TBC1D5: variants seen among roughly 807,000 people sequenced by gnomAD.
TBC1D5 encodes TBC1 domain family, member 5.
In TBC1D5, 75 loss-of-function variants were observed where a neutral mutation model predicts 100.3. The ratio of observed to expected loss-of-function variants is 0.75; its 90% CI spans 0.62 to 0.91. The LOEUF is 0.91. Ranked by LOEUF, TBC1D5 falls within the 40% of genes least tolerant of loss-of-function variation. The pLI is 0.00. For synonymous variants in TBC1D5, 323 were observed against 325.6 expected, an observed-to-expected ratio of 0.99 and a Z score of 0.09; for missense variants, 910 against 942.4, an observed-to-expected ratio of 0.97 and a Z score of 0.45.
intron 1 of TBC1D5, among the ~76,000 whole-genome samples, chr3:17,669,898 T>C (rs2153779263): frequency 6.6e-6 from 1 of 152,358 alleles, no homozygotes; most frequent in South Asian, 2.1e-4. Context: ...TTTGTTTGTT[T>C]GTTTGAGATG....
At chr3:17,185,252 CAAAT>C (rs777842638) in intron 18 of TBC1D5, 44 bp from the exon 20 acceptor site, 2 of 1,530,924 alleles carry the variant, frequency 1.3e-6, no homozygotes, top group Admixed American at 1.7e-5. Context: ...TAGAGATTGT[CAAAT>C]AAAATCTCCA....
At chr3:17,386,884 T>C (rs1476140294) in intron 8 of TBC1D5, among the ~76,000 whole-genome samples, 1 of 152,138 alleles carries the variant, frequency 6.6e-6, no homozygotes, top group Admixed American at 6.6e-5. Context: ...ACTTTCAAGA[T>C]TAAAAACTAC....
At position 17,596,385 on chromosome 3, in the gene TBC1D5, T is replaced by C. The variant is rs534759274; in HGVS notation, c.-36+27464A>G. ...CCAGGCTGGAGTGCAGTCGCGCAAT[T>C]TGGGCTCACTGCAACCTCTGCCTCC... On this transcript the variant is annotated intron_variant, in intron 2 of 21. Transcript: ENST00000253692. Among the ~76,000 whole-genome samples, 468 of 150,114 alleles carry C rather than the reference T, an allele frequency of 3.1e-3. 4 individuals carry two copies. Among genetic ancestry groups the C allele is most frequent in the African/African-American group, 0.01 (427 of 40,906 alleles).
At chr3:17,465,881 C>A (rs2095292615) in intron 3 of TBC1D5, among the ~76,000 whole-genome samples, 1 of 152,126 alleles carries the variant, frequency 6.6e-6, no homozygotes, top group Non-Finnish European at 1.5e-5. Context: ...AAGGTAAATA[C>A]CAAACAAAGT....
intron 2 of TBC1D5, among the ~76,000 whole-genome samples, chr3:17,591,233 CAAAAAAAAAAAAA>C (rs60889092): frequency 0.012 from 219 of 18,664 alleles, 2 homozygotes; most frequent in African/African-American, 0.022. Context: ...AAGGATCTGT[CAAAAAAAAAAAAA>C]AAAAAAAAAA....
At chr3:17,732,270 G>A (rs1474604677) in intron 1 of TBC1D5, among the ~76,000 whole-genome samples, 1 of 151,470 alleles carries the variant, frequency 6.6e-6, no homozygotes, top group East Asian at 2.0e-4. Context: ...GTGAGTTAAG[G>A]TCACACCACT....
At chr3:17,464,920 A>G (rs1241615972) in intron 3 of TBC1D5, among the ~76,000 whole-genome samples, 1 of 152,090 alleles carries the variant, frequency 6.6e-6, no homozygotes, top group African/African-American at 2.4e-5. Flanking sequence ...TTCATATTTG[A>G]GTGATCATAA....
intron 17 of TBC1D5, among the ~76,000 whole-genome samples, chr3:17,218,696 C>T (rs1597394): frequency 0.41 from 62,081 of 151,658 alleles, 13,406 homozygotes; most frequent in Middle Eastern, 0.49. Flanking sequence ...AATTCTAGAC[C>T]GACTGGCTTT....
At chr3:17,658,152 A>G (rs1282643389) in intron 1 of TBC1D5, among the ~76,000 whole-genome samples, 1 of 152,234 alleles carries the variant, frequency 6.6e-6, no homozygotes, top group Non-Finnish European at 1.5e-5. Context: ...GTATAAGTAC[A>G]TTCTATGATG....
At chr3:17,348,439 A>G (rs190372529) in intron 13 of TBC1D5, among the ~76,000 whole-genome samples, 183 of 152,304 alleles carry the variant, frequency 1.2e-3, no homozygotes, top group East Asian at 3.3e-3. Context: ...ATTTCCACCA[A>G]GTTTGCAGGT....
intron 2 of TBC1D5, among the ~76,000 whole-genome samples, chr3:17,539,243 A>C (rs1226219181): frequency 6.6e-6 from 1 of 152,190 alleles, no homozygotes; most frequent in Non-Finnish European, 1.5e-5. Context: ...GGTTAAGATA[A>C]GGGGTTGTAG....
At chr3:17,679,057 T>C (rs905425486) in intron 1 of TBC1D5, among the ~76,000 whole-genome samples, 3 of 144,930 alleles carry the variant, frequency 2.1e-5, no homozygotes, top group African/African-American at 7.9e-5. Context: ...AGGGCCTATT[T>C]CCATATAATG....
At chr3:17,740,788 G>C (rs1410142339) in exon 1 of TBC1D5, 1 of 152,204 alleles carries the variant, frequency 6.6e-6, no homozygotes. Context: ...TACACTCAGA[G>C]ACCAGGATTT....
intron 3 of TBC1D5, among the ~76,000 whole-genome samples, chr3:17,441,848 A>C (rs2094665617): frequency 6.6e-6 from 1 of 152,176 alleles, no homozygotes; most frequent in East Asian, 1.9e-4. Context: ...ATAAGACTTA[A>C]AACAGATCAC....
intron 3 of TBC1D5, among the ~76,000 whole-genome samples, chr3:17,432,502 A>G (rs560669754): frequency 1.2e-3 from 176 of 152,338 alleles, no homozygotes; most frequent in African/African-American, 3.9e-3. Context: ...ACTTATGCTA[A>G]AAATCCAGGA....
intron 3 of TBC1D5, among the ~76,000 whole-genome samples, chr3:17,505,498 TCA>T (rs2095835795): frequency 6.6e-6 from 1 of 152,186 alleles, no homozygotes; most frequent in South Asian, 2.1e-4. Flanking sequence ...AGGTATTTCT[TCA>T]CAGTGATGTA....
At chr3:17,186,764 GAAAA>G (rs1479318624) in intron 18 of TBC1D5, among the ~76,000 whole-genome samples, 1 of 74,182 alleles carries the variant, frequency 1.3e-5, no homozygotes, top group African/African-American at 4.5e-5. Context: ...GAAAAGAAAA[GAAAA>G]TAGACATAAT....
chr3:17,615,051 A>G, intron 2 of TBC1D5, among the ~76,000 whole-genome samples: 1 of 152,178 alleles, frequency 6.6e-6, no homozygotes, highest in Non-Finnish European at 1.5e-5. Context: ...ATTTTGAGAT[A>G]TGTTCCATCA....
chr3:17,302,049 A>G (rs1382973776), intron 14 of TBC1D5, among the ~76,000 whole-genome samples: 1 of 152,226 alleles, frequency 6.6e-6, no homozygotes, highest in Non-Finnish European at 1.5e-5. Context: ...TCTGAAAGCT[A>G]GAAGTCCAAA....
Sources: allele counts gnomAD v4.1 joint callset (sites outside exome capture counted in the v4.1 genomes callset), GRCh38; gene constraint gnomAD v4.1.1; transcripts MANE v1.5; gene names NCBI Gene and HGNC (gene_info 2026-07-23, HGNC 2026-07-21).